The following CDH11 variants were observed in gnomAD, a reference collection of about 807,000 sequenced individuals.
CDH11 encodes the protein cadherin 11.
In CDH11, 11 loss-of-function variants were observed where a neutral mutation model predicts 67.8. The observed-to-expected ratio is 0.16, with a 90% CI of 0.10 to 0.27. The LOEUF is 0.27. Among genes scored for constraint, CDH11 ranks in the 10% least tolerant of loss-of-function variants. CDH11 has a pLI of 1.00. For synonymous variants in CDH11, 419 were observed against 400.0 expected (o/e 1.05, Z -0.57); for missense variants, 847 against 1,031.2 (o/e 0.82, Z 2.45).
chr16:65,032,261 C>T (rs1597113667), intron 2 of CDH11, among the ~76,000 whole-genome samples: 2 of 148,322 alleles, frequency 1.3e-5, no homozygotes, highest in African/African-American at 5.0e-5. Flanking sequence ...CCAAGACAGG[C>T]AGATTGCTTG....
At chr16:65,102,801 T>C (rs1005988400) in intron 1 of CDH11, among the ~76,000 whole-genome samples, 14 of 152,180 alleles carry the variant, frequency 9.2e-5, no homozygotes, top group Non-Finnish European at 1.5e-5. Context: ...CCTCTTAATA[T>C]GGATCCTTCT....
intron 2 of CDH11, among the ~76,000 whole-genome samples, chr16:65,014,707 G>A (rs1362316576): frequency 6.7e-6 from 1 of 150,146 alleles, no homozygotes; most frequent in African/African-American, 2.4e-5. Flanking sequence ...GGCCATTCTT[G>A]AAACGACGCA....
chr16:65,025,928 C>T (rs947498072), intron 2 of CDH11, among the ~76,000 whole-genome samples: 3 of 151,990 alleles, frequency 2.0e-5, no homozygotes, highest in African/African-American at 4.8e-5. Flanking sequence ...GATAGCTGAT[C>T]CCTGAAAGGA....
intron 1 of CDH11, among the ~76,000 whole-genome samples, chr16:65,071,521 G>A (rs944412466): frequency 1.3e-5 from 2 of 152,134 alleles, no homozygotes; most frequent in African/African-American, 4.8e-5. Context: ...AACTAGGTCA[G>A]GCACCAATTG....
chr16:64,989,383 T>C (rs2072573015), intron 6 of CDH11, among the ~76,000 whole-genome samples: 1 of 152,080 alleles, frequency 6.6e-6, no homozygotes, highest in Admixed American at 6.6e-5. Flanking sequence ...GTTAATAATG[T>C]GTGGGTGATA....
intron 11 of CDH11, among the ~76,000 whole-genome samples, chr16:64,953,783 T>C (rs2142378602): frequency 6.6e-6 from 1 of 152,352 alleles, no homozygotes; most frequent in African/African-American, 2.4e-5. Flanking sequence ...TTTAATGATC[T>C]GAAATGTCCA....
intron 2 of CDH11, among the ~76,000 whole-genome samples, chr16:65,015,584 C>A (rs2073288377): frequency 6.6e-6 from 1 of 152,112 alleles, no homozygotes. Flanking sequence ...AAACAGTCCC[C>A]CCTTTAAACT....
chr16:65,032,446 C>T (rs930957376), intron 2 of CDH11, among the ~76,000 whole-genome samples: 9 of 151,840 alleles, frequency 5.9e-5, no homozygotes, highest in East Asian at 3.9e-4. Flanking sequence ...GCCAACATTG[C>T]GCCACTACAC....
chr16:65,029,725 C>T (rs982160578), intron 2 of CDH11, among the ~76,000 whole-genome samples: 6 of 152,150 alleles, frequency 3.9e-5, no homozygotes, highest in Admixed American at 3.3e-4. Context: ...TAGAGTAAAT[C>T]GCTTGTCCTT....
chr16:65,078,681 T>C (rs745661708), intron 1 of CDH11, among the ~76,000 whole-genome samples: 4 of 152,124 alleles, frequency 2.6e-5, no homozygotes, highest in Non-Finnish European at 5.9e-5. Context: ...TCAGGTGCTG[T>C]TTTCTGCTGA....
chr16:65,075,515 A>G (rs1180358613), intron 1 of CDH11, among the ~76,000 whole-genome samples: 2 of 152,190 alleles, frequency 1.3e-5, no homozygotes, highest in East Asian at 1.9e-4. Context: ...GCTGTGGGAC[A>G]CTGCAAAGAA....
intron 1 of CDH11, among the ~76,000 whole-genome samples, chr16:65,078,212 A>G (rs535129854): frequency 2.6e-5 from 4 of 152,352 alleles, no homozygotes; most frequent in African/African-American, 9.6e-5. Context: ...TCAATCTGTG[A>G]TGGTGTCTGG....
chr16:65,063,534 G>C (rs1016034286), intron 1 of CDH11, among the ~76,000 whole-genome samples: 1 of 152,116 alleles, frequency 6.6e-6, no homozygotes, highest in Admixed American at 6.5e-5. Flanking sequence ...CTTCCATCAA[G>C]AAAATGAGGC....
chr16:65,025,367 C>G (rs186279478), intron 2 of CDH11, among the ~76,000 whole-genome samples: 2 of 152,086 alleles, frequency 1.3e-5, no homozygotes, highest in Non-Finnish European at 2.9e-5. Flanking sequence ...GACAGAGTCT[C>G]GCTCTGCTGC....
Position 65,122,017 on chromosome 16 carries a change from G to C in CDH11, c.-435C>G, listed in dbSNP as rs1429849688. ...GCTGCGAGCGGCCCCCGCGGCATCT[G>C]CTCCTCGGCCCGCGACGCTCCCCTC... On this transcript the variant is annotated 5_prime_UTR_variant, in exon 1 of 13. Transcript: ENST00000268603. The C allele has an allele frequency of 4.3e-6, 3 of 698,292 alleles. No homozygotes were observed. In the East Asian group the frequency reaches 8.1e-5, roughly 19 times the overall value. The allele number at this position is 698,292 out of a possible 1,614,324, so 43.3% of individuals were successfully genotyped here.
rs71376752 is a variant in CDH11 at position 64,981,097 on chromosome 16, C to CTTTTTTTTTTTTT, written c.1253+938_1253+950dup. 12 of 116,470 alleles carry CTTTTTTTTTTTTT rather than the reference C, an allele frequency of 1.0e-4. 1 individual carries two copies. Among genetic ancestry groups the CTTTTTTTTTTTTT allele is most frequent in the African/African-American group, 3.8e-4 (10 of 26,080 alleles). 7.2% of individuals were successfully genotyped at this position (116,470 alleles called of 1,614,324 possible). ...TGGATCACTTTTTCTTTCTTTCTTTCTTTTTTTTTTTTTTTTTTTTTTTTT... is the reference window on the plus strand; with the variant it reads ...TGGATCACTTTTTCTTTCTTTCTTTCTTTTTTTTTTTTTTTTTTTTTTTTTTTTTTTTTTTTTT... On this transcript the variant is annotated intron_variant, in intron 8 of 12. Transcript: ENST00000268603.
chr16:65,086,265 G>A (rs1384850332), intron 1 of CDH11, among the ~76,000 whole-genome samples: 2 of 152,230 alleles, frequency 1.3e-5, no homozygotes, highest in East Asian at 1.9e-4. Context: ...CCAGGATGCT[G>A]TAAAACCATA....
chr16:64,990,393 A>T (rs551430795), intron 6 of CDH11, among the ~76,000 whole-genome samples: 1 of 152,136 alleles, frequency 6.6e-6, no homozygotes, highest in South Asian at 2.1e-4. Context: ...CTGGGGCCAC[A>T]TTTAGTAGCC....
intron 3 of CDH11, among the ~76,000 whole-genome samples, chr16:65,002,346 CA>C (rs1474112985): frequency 6.6e-6 from 1 of 152,166 alleles, no homozygotes; most frequent in African/African-American, 2.4e-5. Flanking sequence ...CACTGCTTCC[CA>C]TTGAGAAAGT....
Sources: gnomAD v4.1 joint callset for allele counts (sites outside exome capture counted in the v4.1 genomes callset) on GRCh38, gnomAD v4.1.1 for gene constraint, MANE v1.5 for transcripts, NCBI Gene and HGNC (gene_info 2026-07-23, HGNC 2026-07-21) for gene names.